Variants in HNRNPAB observed in about 807,000 individuals in gnomAD.
HNRNPAB encodes ABBP-1.
Under a neutral mutation model 44.1 loss-of-function variants are expected in HNRNPAB, and 17 were observed. The ratio of observed to expected loss-of-function variants is 0.39; its 90% CI spans 0.26 to 0.58. HNRNPAB has a LOEUF of 0.58. HNRNPAB is among the 20% of genes least tolerant of loss of function. The pLI is 0.63. For missense variants in HNRNPAB, 393 were observed against 432.7 expected (o/e 0.91, Z 0.81); for synonymous variants, 183 against 167.6 (o/e 1.09, Z -0.71).
chr5:178,205,201 C>A (rs1371724704), intron 2 of HNRNPAB, among the ~76,000 whole-genome samples, 155 bp downstream of exon 2: 1 of 150,708 alleles, frequency 6.6e-6, no homozygotes. Flanking sequence ...CCGGGCCTGG[C>A]GCTGCCACTC....
chr5:178,205,035 G>A lies in HNRNPAB; in HGVS notation c.198G>A (p.Glu66=). 5.8e-6 allele frequency: 7 copies of A among 1,207,342 alleles called. No individual in the cohort carries two copies. The highest frequency in any genetic ancestry group is 7.2e-6 in the Non-Finnish European group (7 of 972,172). The allele number at this position is 1,207,342 out of a possible 1,614,324, so 74.8% of individuals were successfully genotyped here. Residue 66 remains glutamate (E), a synonymous_variant, in exon 2 of 8, where the codon GAG becomes GAA. Coordinates refer to ENST00000358344, the MANE Select transcript of HNRNPAB (RefSeq NM_031266.3). ...ACCAGATCAACGCCAGCAAGAACGA[G>A]GAGGACGCGGGGTAGGTGCGGCCGC... ...EGDQINASKN[E]EDAGKMFVGG...
rs1212845270 is a variant in HNRNPAB, at chr5:178,210,589, G to A, written c.965G>A (p.Arg322His). ...GSTNYGKSQRRGGHQNNYKPY is the reference protein window; with the variant it reads ...GSTNYGKSQRHGGHQNNYKPY ...ACAAACTACGGCAAGAGCCAGCGAC[G>A]TGGTGGCCATCAGAATAACTACAAG... The change falls in exon 8 of 8, where the codon CGT (arginine) becomes CAT (histidine). Residue 322 changes from arginine (R) to histidine (H), a missense_variant. Around this residue, in one of 3 missense-constraint regions of HNRNPAB, gnomAD observed 210 missense variants for 196.9 expected, o/e 1.07. Transcript: ENST00000358344. 1.9e-6 allele frequency: 3 copies of A among 1,613,470 alleles called. No homozygotes were observed. The highest frequency in any genetic ancestry group is 1.3e-5 in the African/African-American group (1 of 74,928).
In HNRNPAB at chr5:178,206,809, G is replaced by C; in HGVS notation, c.456G>C (p.Pro152=). Residue 152 remains proline, a synonymous_variant, in exon 4 of 8, where the codon CCG becomes CCC. Transcript: ENST00000358344. ...AGGCCATGGCTATGAAGAAGGACCC[G>C]GTGAAGAAAATCTTCGTTGGGGGTC... ...PKKAMAMKKD[P]VKKIFVGGLN... The C allele has an allele frequency of 6.2e-7, 1 of 1,614,102 alleles. No homozygotes were observed. The highest frequency in any genetic ancestry group is 2.2e-5 in the East Asian group (1 of 44,874).
At chr5:178,210,428 A>AATAAC in intron 7 of HNRNPAB, 125 bp from the exon 8 acceptor site, 1 of 1,522,840 alleles carries the variant, frequency 6.6e-7, no homozygotes, top group South Asian at 1.2e-5. Flanking sequence ...TCGGGGTCTT[A>AATAAC]ATAACATGAG....
Position 178,210,782 on chromosome 5 carries a change from A to ATT in HNRNPAB, c.*161_*162dup. 3 of 659,180 alleles carry ATT rather than the reference A, an allele frequency of 4.6e-6. No individual in the cohort carries two copies. The South Asian group carries it at 5.2e-5, about 11-fold the overall frequency. 40.8% of individuals were successfully genotyped at this position (659,180 alleles called of 1,614,324 possible). A position where few individuals can be genotyped will look rare whatever the true frequency, so the allele number is the denominator to read the frequency against. ...CATGGAAATCACTCTCCTGTTGACT[A>ATT]TTTCCAGAGCTCTAGGTGTTTAGGC... is the stretch of plus-strand genomic sequence containing the variant. On this transcript the variant is annotated 3_prime_UTR_variant, in exon 8 of 8. Transcript: ENST00000358344.
intron 3 of HNRNPAB, 70 bp from the exon 4 acceptor site, chr5:178,206,662 A>C: frequency 6.7e-7 from 1 of 1,481,922 alleles, no homozygotes; most frequent in Non-Finnish European, 9.3e-7. Context: ...TGGTGTCTTT[A>C]TGGCTTAGAG....
intron 5 of HNRNPAB, 128 bp downstream of exon 5, chr5:178,207,353 C>T (rs928714786): frequency 5.5e-5 from 60 of 1,091,496 alleles, no homozygotes; most frequent in Middle Eastern, 4.3e-4. Flanking sequence ...TTCTCTGAAG[C>T]GTATGCTGCC....
Position 178,207,220 on chromosome 5 carries a change from A to G in HNRNPAB, c.664A>G (p.Ser222Gly). The change falls in exon 5 of 8, where the codon AGC (serine) becomes GGC (glycine). Residue 222 changes from serine (S) to glycine (G), a missense_variant. Ser to Gly is a moderately conservative substitution (Grantham distance 56). Coordinates refer to ENST00000358344, the MANE Select transcript of HNRNPAB (RefSeq NM_031266.3). ...GAAAAAGTTCCATACTGTCAGTGGA[A>G]GCAAGGTAAGGTGTTCCCAGCTCTG... Reference protein sequence around the residue: ...LEKKFHTVSGSKCEIKVAQPK... With the variant: ...LEKKFHTVSGGKCEIKVAQPK... 1 of 1,614,162 alleles carries G rather than the reference A, an allele frequency of 6.2e-7. No individual in the cohort carries two copies. Among genetic ancestry groups the G allele is most frequent in the South Asian group, 1.1e-5 (1 of 91,084 alleles).
chr5:178,208,711 G>A (rs1757261085), intron 5 of HNRNPAB: 1 of 152,388 alleles, frequency 6.6e-6, no homozygotes, highest in Non-Finnish European at 1.5e-5. Context: ...TCCACCCCCA[G>A]TGGACAGAAA....
rs1348569334 is a variant in HNRNPAB at position 178,204,791 on chromosome 5, ACGCG to A, written c.-23-22_-23-19del. 2.6e-6 allele frequency: 3 copies of A among 1,167,734 alleles called. No homozygotes were observed. Among genetic ancestry groups the A allele is most frequent in the Non-Finnish European group, 3.2e-6 (3 of 937,850 alleles). The allele number at this position is 1,167,734 out of a possible 1,614,324, so 72.3% of individuals were successfully genotyped here. A position where few individuals can be genotyped will look rare whatever the true frequency, so the allele number is the denominator to read the frequency against. On this transcript the variant is annotated intron_variant, in intron 1 of 7. Coordinates refer to ENST00000358344, the MANE Select transcript of HNRNPAB (RefSeq NM_031266.3). ...CTCTGGCGGGAGCCGCGCCGGCCTG[ACGCG>A]CTGTCGCCGCTGGTTGCAGGAGCCG... is the stretch of plus-strand genomic sequence containing the variant.
Position 178,204,943 on chromosome 5 carries a change from GCCGCGGCGGGGGCTGGAGGCGCGA to G in HNRNPAB, c.115_138del (p.Gly39_Ala46del). On this transcript the variant is annotated inframe_deletion, in exon 2 of 8. Coordinates refer to ENST00000358344, the MANE Select transcript of HNRNPAB (RefSeq NM_031266.3). ...GTCGCCGGCCGGGGCTGGCACGGGC[GCCGCGGCGGGGGCTGGAGGCGCGA>G]CCGCGGCGCCCCCGAGCGGGAATCA... is the stretch of plus-strand genomic sequence containing the variant. 2.5e-6 allele frequency: 3 copies of G among 1,210,168 alleles called. No homozygotes were observed. The highest frequency in any genetic ancestry group is 3.1e-6 in the Non-Finnish European group (3 of 974,108). The allele number at this position is 1,210,168 out of a possible 1,614,324, so 75.0% of individuals were successfully genotyped here.
Position 178,205,944 on chromosome 5 carries a change from T to G in HNRNPAB, c.312T>G (p.Asp104Glu). 1 of 1,614,130 alleles carries G rather than the reference T, an allele frequency of 6.2e-7. No homozygotes were observed. The highest frequency in any genetic ancestry group is 8.5e-7 in the Non-Finnish European group (1 of 1,180,014). The change falls in exon 3 of 8, where the codon GAT (aspartate) becomes GAG (glutamate). Residue 104 changes from aspartate to glutamate, a missense_variant. This residue lies in a region of HNRNPAB where 102 missense variants were observed against 162.3 expected (regional missense o/e 0.63). Transcript: ENST00000358344. ...TCGTTGACTGTACAATAAAAATGGA[T>G]CCCAACACTGGACGGTCAAGAGGGT... ...GEVVDCTIKM[D>E]PNTGRSRGFG...
At chr5:178,205,721 G>A in intron 2 of HNRNPAB, 121 bp from the exon 3 acceptor site, 1 of 845,860 alleles carries the variant, frequency 1.2e-6, no homozygotes, top group Non-Finnish European at 1.9e-6. Flanking sequence ...TTTCTAAGGT[G>A]CTCCTTGCAG....
In HNRNPAB at chr5:178,204,759, G is replaced by A; in HGVS notation, c.-24+19G>A. ...CGGCGAGGTGAGCGGCGGCCGGCGGGCGGGAGCTCTGGCGGGAGCCGCGCC... is the reference window on the plus strand; with the variant it reads ...CGGCGAGGTGAGCGGCGGCCGGCGGACGGGAGCTCTGGCGGGAGCCGCGCC... On this transcript the variant is annotated intron_variant, in intron 1 of 7. Transcript: ENST00000358344. 2 of 934,952 alleles carry A rather than the reference G, an allele frequency of 2.1e-6. No individual in the cohort carries two copies. The highest frequency in any genetic ancestry group is 2.7e-6 in the Non-Finnish European group (2 of 729,974). 57.9% of individuals were successfully genotyped at this position (934,952 alleles called of 1,614,324 possible).
chr5:178,209,971 A>G (rs2113611961), intron 6 of HNRNPAB, among the ~76,000 whole-genome samples, 161 bp from the exon 7 acceptor site: 1 of 109,370 alleles, frequency 9.1e-6, no homozygotes, highest in South Asian at 3.1e-4. Context: ...TCTCAGATGC[A>G]GGGTTGGGCC....
At chr5:178,210,332 A>G in intron 7 of HNRNPAB, 60 bp downstream of exon 7, 1 of 1,606,126 alleles carries the variant, frequency 6.2e-7, no homozygotes, top group Admixed American at 1.7e-5. Flanking sequence ...GAGGCAGGAC[A>G]GTGTAGGAGC....
chr5:178,209,466 A>AAGAT lies in HNRNPAB; in HGVS notation c.787+22_787+25dup, dbSNP rs1006654939. ...GGTGGAGGTGAGTGGAACGTGGATG[A>AAGAT]AGATAGGTCCTGTTTCCCTGCCTAC... On this transcript the variant is annotated intron_variant, in intron 6 of 7. Transcript: ENST00000358344. 3.7e-6 allele frequency: 6 copies of AAGAT among 1,600,564 alleles called. No individual in the cohort carries two copies. In the African/African-American group the frequency reaches 6.7e-5, roughly 18 times the overall value.
At position 178,210,620 on chromosome 5, in the gene HNRNPAB, C is replaced by T. The variant is rs949965260; in HGVS notation, c.996C>T (p.Tyr332=). 12 of 1,613,356 alleles carry T rather than the reference C, an allele frequency of 7.4e-6. No homozygotes were observed. Among genetic ancestry groups the T allele is most frequent in the African/African-American group, 1.3e-5 (1 of 74,894 alleles). The change falls in exon 8 of 8, where the codon TAC becomes TAT. Residue 332 remains tyrosine, a synonymous_variant. Coordinates refer to ENST00000358344, the MANE Select transcript of HNRNPAB (RefSeq NM_031266.3). ...RGGHQNNYKP[Y] ...GCCATCAGAATAACTACAAGCCATA[C>T]TGAGGCGGCAGCAGGAGCGACCAAC... is the stretch of plus-strand genomic sequence containing the variant.
At chr5:178,205,402 C>T (rs1291771187) in intron 2 of HNRNPAB, among the ~76,000 whole-genome samples, 2 of 152,060 alleles carry the variant, frequency 1.3e-5, no homozygotes, top group Admixed American at 6.5e-5. Flanking sequence ...GCGGAGTTGG[C>T]GCGAGCCGGG....
Sources: allele counts gnomAD v4.1 joint callset (sites outside exome capture counted in the v4.1 genomes callset), GRCh38; gene constraint gnomAD v4.1.1; regional missense constraint gnomAD v4.1.1; transcripts MANE v1.5; gene names NCBI Gene and HGNC (gene_info 2026-07-23, HGNC 2026-07-21).